Variants in PCDH11X observed in about 807,000 individuals in gnomAD.
The protein encoded by PCDH11X is protocadherin-11 X-linked.
PCDH11X carries 18 observed loss-of-function variants against 53.3 expected under a neutral mutation model. The observed-to-expected ratio is 0.34, with a 90% confidence interval of 0.23 to 0.50. The LOEUF (loss-of-function observed/expected upper bound fraction) is 0.50, where lower values mean the gene tolerates loss of function less well. Among genes scored for constraint, PCDH11X ranks in the 20% least tolerant of loss-of-function variants. The probability of loss-of-function intolerance (pLI) is 0.98; values close to 1 mark genes in which losing one functional copy is unlikely to be tolerated. For missense variants in PCDH11X, 570 were observed against 1,032.4 expected (o/e 0.55, Z 6.14); for synonymous variants, 279 against 393.3 (o/e 0.71, Z 3.44).
chrX:92,166,760 T>C (rs1354242092), intron 6 of PCDH11X, among the ~76,000 whole-genome samples: 4 of 110,453 alleles, frequency 3.6e-5, no homozygotes, highest in Non-Finnish European at 7.6e-5. Context: ...TAGCTGGGCA[T>C]AGTGGCATGT....
chrX:91,926,076 G>GCACACACA (rs4022270), intron 6 of PCDH11X, among the ~76,000 whole-genome samples: 12 of 83,126 alleles, frequency 1.4e-4, no homozygotes, highest in Non-Finnish European at 1.4e-4. Context: ...ACACAAACAC[G>GCACACACA]CACACACACA....
chrX:92,311,860 T>C lies in PCDH11X; in HGVS notation c.3144+48717T>C, dbSNP rs372000673. Among the ~76,000 whole-genome samples, 40 of 111,462 alleles carry C rather than the reference T, an allele frequency of 3.6e-4. No individual in the cohort carries two copies. In the South Asian group the frequency reaches 0.014, roughly 39 times the overall value. ...ACTGTCCTTTTTCCTCTTTGTTTATTACAATACAGATAAAATGGAATATAT... is the reference window on the plus strand; with the variant it reads ...ACTGTCCTTTTTCCTCTTTGTTTATCACAATACAGATAAAATGGAATATAT... On this transcript the variant is annotated intron_variant, in intron 8 of 10. Transcript: ENST00000682573.
At chrX:92,203,404 T>C (rs1400069908) in intron 7 of PCDH11X, among the ~76,000 whole-genome samples, 1 of 112,680 alleles carries the variant, frequency 8.9e-6, no homozygotes, top group African/African-American at 3.2e-5. Context: ...TCAGAATTGA[T>C]TCATGCACTG....
chrX:92,351,207 A>G lies in PCDH11X; in HGVS notation c.3145-36528A>G, dbSNP rs373492458. ...AAATTACTTCTAATTTACAAGACTC[A>G]CTTCTTATAAACTATTCCATCAATT... On this transcript the variant is annotated intron_variant, in intron 8 of 10. Coordinates refer to ENST00000682573, the MANE Select transcript of PCDH11X (RefSeq NM_032968.5). Among the ~76,000 whole-genome samples the G allele has an allele frequency of 2.6e-4, 29 of 111,940 alleles. No homozygotes were observed. In the East Asian group the frequency reaches 6.5e-3, roughly 25 times the overall value.
intron 10 of PCDH11X, among the ~76,000 whole-genome samples, chrX:92,481,677 C>A (rs1202319746): frequency 2.7e-5 from 3 of 111,811 alleles, no homozygotes; most frequent in East Asian, 2.8e-4. Flanking sequence ...GGGATAAATT[C>A]TCCTATTAGA....
intron 7 of PCDH11X, among the ~76,000 whole-genome samples, chrX:92,232,588 C>A (rs2067095778): frequency 8.9e-6 from 1 of 111,861 alleles, no homozygotes; most frequent in African/African-American, 3.2e-5. Context: ...CGTGTGCTTG[C>A]CTACATGTAT....
At chrX:91,919,704 T>A (rs1335896345) in intron 6 of PCDH11X, among the ~76,000 whole-genome samples, 1 of 111,435 alleles carries the variant, frequency 9.0e-6, no homozygotes, top group Non-Finnish European at 1.9e-5. Flanking sequence ...GTCTTTCTTC[T>A]GTTACTTGTC....
At chrX:91,827,473 G>A (rs1936961803) in intron 4 of PCDH11X, among the ~76,000 whole-genome samples, 1 of 110,910 alleles carries the variant, frequency 9.0e-6, no homozygotes, top group African/African-American at 3.3e-5. Flanking sequence ...GATCCCATTT[G>A]TCAATTTTGC....
At chrX:92,232,901 G>A (rs1180434083) in intron 7 of PCDH11X, among the ~76,000 whole-genome samples, 1 of 110,692 alleles carries the variant, frequency 9.0e-6, no homozygotes, top group African/African-American at 3.3e-5. Flanking sequence ...ATTTTTAGTA[G>A]AGATGGGGTT....
Position 92,184,032 on chromosome X carries a change from G to A in PCDH11X, c.3034-17343G>A, listed in dbSNP as rs188189069. Among the ~76,000 whole-genome samples, 281 of 110,826 alleles carry A rather than the reference G, an allele frequency of 2.5e-3. 5 individuals carry two copies. In the Middle Eastern group the frequency reaches 0.028, roughly 11 times the overall value. ...ACATTCCATTAGAATATAATCTCAG[G>A]CGGGCAGTTTTTAAGGTTCTATTCA... is the stretch of plus-strand genomic sequence containing the variant. On this transcript the variant is annotated intron_variant, in intron 6 of 10. Transcript: ENST00000682573.
chrX:92,303,277 G>A (rs961019169), intron 8 of PCDH11X, among the ~76,000 whole-genome samples: 2 of 111,036 alleles, frequency 1.8e-5, no homozygotes, highest in African/African-American at 6.5e-5. Context: ...TCAATGATAT[G>A]ATTGGAAGAA....
At chrX:91,927,254 C>T (rs910415077) in intron 6 of PCDH11X, among the ~76,000 whole-genome samples, 2 of 109,395 alleles carry the variant, frequency 1.8e-5, no homozygotes, top group African/African-American at 3.3e-5. Context: ...TCAATATGAT[C>T]GCAAGTTTTC....
chrX:91,893,832 CTATA>C (rs755901732), intron 6 of PCDH11X, among the ~76,000 whole-genome samples: 1 of 110,861 alleles, frequency 9.0e-6, no homozygotes, highest in African/African-American at 3.3e-5. Context: ...TCAAAACTGA[CTATA>C]TATATATAAA....
intron 6 of PCDH11X, among the ~76,000 whole-genome samples, chrX:91,996,294 G>T (rs2062422325): frequency 9.8e-6 from 1 of 102,213 alleles, no homozygotes; most frequent in African/African-American, 3.6e-5. Flanking sequence ...GATTACAGGT[G>T]CCCACCACCA....
At chrX:92,064,102 ATTGGTGTTC>A (rs2063567156) in intron 6 of PCDH11X, among the ~76,000 whole-genome samples, 1 of 91,583 alleles carries the variant, frequency 1.1e-5, no homozygotes, top group South Asian at 6.4e-4. Flanking sequence ...GGAGTGGGAC[ATTGGTGTTC>A]TTGGGTGAAC....
At chrX:92,511,306 A>G (rs1301055167) in intron 10 of PCDH11X, among the ~76,000 whole-genome samples, 1 of 111,770 alleles carries the variant, frequency 8.9e-6, no homozygotes, top group African/African-American at 3.3e-5. Flanking sequence ...TGTCACTGGA[A>G]GTTACTTACA....
At chrX:92,457,131 G>A (rs1219434958) in intron 9 of PCDH11X, among the ~76,000 whole-genome samples, 4 of 110,161 alleles carry the variant, frequency 3.6e-5, no homozygotes, top group African/African-American at 1.3e-4. Context: ...TGTTATAATG[G>A]AAAACAAATT....
chrX:92,461,917 A>G (rs1317033333), intron 9 of PCDH11X, among the ~76,000 whole-genome samples: 1 of 112,222 alleles, frequency 8.9e-6, no homozygotes, highest in African/African-American at 3.2e-5. Flanking sequence ...TTCTCAAAAT[A>G]ATATATACAA....
intron 8 of PCDH11X, among the ~76,000 whole-genome samples, chrX:92,295,744 TGTGTG>T (rs2068593042): frequency 8.4e-5 from 1 of 11,867 alleles, no homozygotes; most frequent in Non-Finnish European, 2.0e-4. Flanking sequence ...TGTGTTTGTG[TGTGTG>T]TGTGTGTGTG....
Sources: allele counts gnomAD v4.1 joint callset (sites outside exome capture counted in the v4.1 genomes callset), GRCh38; gene constraint gnomAD v4.1.1; transcripts MANE v1.5; gene names NCBI Gene and HGNC (gene_info 2026-07-23, HGNC 2026-07-21).